The following CEP135 variants were observed in gnomAD, a reference collection of about 807,000 sequenced individuals.
The protein encoded by CEP135 is centrosomal protein of 135 kDa.
Under a neutral mutation model 157.3 loss-of-function variants are expected in CEP135, and 142 were observed. The ratio of observed to expected loss-of-function variants is 0.90; its 90% CI spans 0.79 to 1.04. The LOEUF is 1.04. CEP135 is among the 50% of genes least tolerant of loss of function. The pLI is 0.00. For synonymous variants in CEP135, 396 were observed against 439.8 expected (o/e 0.90, Z 1.25); for missense variants, 1,317 against 1,309.2 (o/e 1.01, Z -0.09).
chr4:56,005,982 G>A (rs1241821052), intron 17 of CEP135, among the ~76,000 whole-genome samples: 1 of 152,080 alleles, frequency 6.6e-6, no homozygotes, highest in Non-Finnish European at 1.5e-5. Context: ...TCCTTTATAT[G>A]TTATTTGCTT....
chr4:56,024,073 T>A lies in CEP135; in HGVS notation c.3321-428T>A, dbSNP rs556193629. Among the ~76,000 whole-genome samples, 1,169 of 143,456 alleles carry A rather than the reference T, an allele frequency of 8.1e-3. 13 individuals are homozygous for A. The highest frequency in any genetic ancestry group is 0.028 in the African/African-American group (1,099 of 39,930). 94.1% of individuals were successfully genotyped at this position (143,456 alleles called of 152,430 possible). On this transcript the variant is annotated intron_variant, in intron 24 of 25. Transcript: ENST00000257287. ...TAATATATGTTACATATATTATATA[T>A]TATATAATTAGTATATTAGTATTAG...
At chr4:55,972,360 G>C (rs1231669491) in intron 10 of CEP135, among the ~76,000 whole-genome samples, 1 of 151,990 alleles carries the variant, frequency 6.6e-6, no homozygotes, top group African/African-American at 2.4e-5. Context: ...GTTGATAAGA[G>C]GTATTAAATT....
In CEP135 at chr4:55,969,092, G is replaced by T; in HGVS notation, c.1074G>T (p.Met358Ile). 2 of 1,613,228 alleles carry T rather than the reference G, an allele frequency of 1.2e-6. No individual in the cohort carries two copies. Among genetic ancestry groups the T allele is most frequent in the African/African-American group, 1.3e-5 (1 of 75,002 alleles). Residue 358 changes from methionine (M) to isoleucine (I), a missense_variant, in exon 9 of 26, where the codon ATG becomes ATT. Transcript: ENST00000257287. ...AGATTAAAAGAAAGCTCTCTGAAAT[G>T]CAGGATCTTGAAGAAACAATGGCAA... ...KKEIKRKLSE[M>I]QDLEETMAKL...
At chr4:55,977,185 A>G (rs1389232101) in intron 11 of CEP135, among the ~76,000 whole-genome samples, 3 of 152,192 alleles carry the variant, frequency 2.0e-5, no homozygotes, top group African/African-American at 7.2e-5. Flanking sequence ...ATCATTCTAC[A>G]GCTGGATTTG....
At chr4:56,013,457 A>G (rs1730662534) in intron 21 of CEP135, among the ~76,000 whole-genome samples, 1 of 152,102 alleles carries the variant, frequency 6.6e-6, no homozygotes, top group Admixed American at 6.6e-5. Flanking sequence ...CTGCAATGTC[A>G]TAAAGCTTTT....
chr4:55,971,249 T>A, intron 9 of CEP135, 21 bp from the exon 10 acceptor site: 1 of 1,532,426 alleles, frequency 6.5e-7, no homozygotes, highest in Non-Finnish European at 8.8e-7. Flanking sequence ...GAAATCTTAA[T>A]TATAGTATTA....
intron 14 of CEP135, among the ~76,000 whole-genome samples, chr4:55,990,538 C>T (rs1237389978): frequency 6.6e-6 from 1 of 152,070 alleles, no homozygotes; most frequent in East Asian, 1.9e-4. Flanking sequence ...CTCTGTTGCC[C>T]AGGCCGGAGT....
chr4:55,989,821 TC>T (rs1422784790), intron 14 of CEP135, among the ~76,000 whole-genome samples: 1 of 152,210 alleles, frequency 6.6e-6, no homozygotes, highest in East Asian at 1.9e-4. Flanking sequence ...TATGTGTAGC[TC>T]CTAGGAGTGC....
chr4:56,008,356 G>A lies in CEP135; in HGVS notation c.2310G>A (p.Met770Ile), dbSNP rs1228722102. 2 of 1,610,048 alleles carry A rather than the reference G, an allele frequency of 1.2e-6. No individual in the cohort carries two copies. Among genetic ancestry groups the A allele is most frequent in the Non-Finnish European group, 1.7e-6 (2 of 1,178,508 alleles). ...AAGCTGTTGCTCAAATGAAGATAAT[G>A]ATCTCAGAGTGTGAATCATCTGTGA... ...KEKAVAQMKIMISECESSVNQ... is the reference protein window; with the variant it reads ...KEKAVAQMKIIISECESSVNQ... Residue 770 changes from methionine (M) to isoleucine (I), a missense_variant, in exon 18 of 26, where the codon ATG (methionine) becomes ATA (isoleucine). Physicochemically the swap from Met to Ile is conservative, Grantham distance 10. Coordinates refer to ENST00000257287, the MANE Select transcript of CEP135 (RefSeq NM_025009.5).
At chr4:55,956,153 A>G (rs1248510040) in intron 4 of CEP135, among the ~76,000 whole-genome samples, 2 of 152,068 alleles carry the variant, frequency 1.3e-5, no homozygotes, top group East Asian at 1.9e-4. Context: ...GGTCATTTAA[A>G]TACTTTTGGC....
intron 6 of CEP135, among the ~76,000 whole-genome samples, chr4:55,963,802 T>C (rs1389436128): frequency 2.0e-5 from 3 of 152,186 alleles, no homozygotes; most frequent in African/African-American, 7.2e-5. Context: ...AATTCTTACA[T>C]AAATAACAGA....
At chr4:56,019,620 T>A (rs1192880777) in intron 23 of CEP135, 65 bp downstream of exon 23, 5 of 1,335,346 alleles carry the variant, frequency 3.7e-6, no homozygotes, top group African/African-American at 2.9e-5. Flanking sequence ...TTAATTTTTT[T>A]GAAGTGGAGG....
At chr4:56,015,947 C>G (rs979247875) in intron 21 of CEP135, among the ~76,000 whole-genome samples, 2 of 152,096 alleles carry the variant, frequency 1.3e-5, no homozygotes, top group African/African-American at 2.4e-5. Flanking sequence ...AATCCTAATC[C>G]CCAGTATCTG....
At chr4:55,993,107 A>T (rs544788397) in intron 15 of CEP135, among the ~76,000 whole-genome samples, 27 of 152,348 alleles carry the variant, frequency 1.8e-4, no homozygotes, top group African/African-American at 6.3e-4. Flanking sequence ...AAGATTTAAC[A>T]AATTAAAACT....
At chr4:55,987,083 T>A (rs1729613799) in intron 14 of CEP135, among the ~76,000 whole-genome samples, 1 of 152,218 alleles carries the variant, frequency 6.6e-6, no homozygotes, top group East Asian at 1.9e-4. Flanking sequence ...GTCTTGCCGT[T>A]AAGCTTTGTT....
At chr4:55,980,694 T>C (rs1032855741) in intron 12 of CEP135, among the ~76,000 whole-genome samples, 4 of 152,174 alleles carry the variant, frequency 2.6e-5, no homozygotes, top group South Asian at 2.1e-4. Context: ...TACTGTACTC[T>C]AGGAAGAGGG....
At chr4:56,025,458 G>A (rs1279232303) in intron 25 of CEP135, among the ~76,000 whole-genome samples, 1 of 152,174 alleles carries the variant, frequency 6.6e-6, no homozygotes, top group Non-Finnish European at 1.5e-5. Flanking sequence ...TAGTAACCTG[G>A]CAGGAAGGGC....
chr4:55,971,442 T>C (rs763171083), intron 10 of CEP135, 34 bp downstream of exon 10: 4 of 1,564,196 alleles, frequency 2.6e-6, no homozygotes, highest in South Asian at 2.4e-5. Context: ...TAAAGAATGA[T>C]TGTGATTTCC....
At chr4:55,998,550 A>C (rs1730054458) in intron 15 of CEP135, among the ~76,000 whole-genome samples, 1 of 152,150 alleles carries the variant, frequency 6.6e-6, no homozygotes, top group Admixed American at 6.6e-5. Context: ...AAAAAGTCAG[A>C]ATAAGAAGCA....
Sources: allele counts gnomAD v4.1 joint callset (sites outside exome capture counted in the v4.1 genomes callset), GRCh38; gene constraint gnomAD v4.1.1; transcripts MANE v1.5; gene names NCBI Gene and HGNC (gene_info 2026-07-23, HGNC 2026-07-21).